Variants in TSEN2 observed in about 807,000 individuals in gnomAD.
TSEN2 encodes the protein tRNA splicing endonuclease subunit 2.
TSEN2 carries 54 observed loss-of-function variants against 59.2 expected under a neutral mutation model. The observed-to-expected ratio is 0.91, with a 90% CI of 0.73 to 1.14. The LOEUF is 1.14. TSEN2 is among the 50% of genes most tolerant of loss of function. The pLI is 0.00. For synonymous variants in TSEN2, 195 were observed against 198.2 expected, an observed-to-expected ratio of 0.98 and a Z score of 0.14; for missense variants, 636 against 576.2, an observed-to-expected ratio of 1.10 and a Z score of -1.06.
In TSEN2 at chr3:12,533,555, G is replaced by A. The variant is rs1265508199; in HGVS notation, c.*834G>A. 3 of 151,624 alleles carry A rather than the reference G, an allele frequency of 2.0e-5. No homozygotes were observed. The highest frequency in any genetic ancestry group is 4.4e-5 in the Non-Finnish European group (3 of 68,058). The allele number at this position is 151,624 out of a possible 1,614,324, so 9.4% of individuals were successfully genotyped here. A position where few individuals can be genotyped will look rare whatever the true frequency, so the allele number is the denominator to read the frequency against. On this transcript the variant is annotated 3_prime_UTR_variant, in exon 12 of 12. Transcript: ENST00000284995. The stretch of plus-strand genomic sequence containing the variant: ...CATGCCTGTAATTCCAGCTGCTCAG[G>A]AGACTAAGGTAGGAGGATCGCTTGA...
chr3:12,506,029 AG>A (rs1033561424), intron 6 of TSEN2, among the ~76,000 whole-genome samples: 29 of 152,216 alleles, frequency 1.9e-4, no homozygotes, highest in African/African-American at 6.3e-4. Context: ...TGCCGGGGGT[AG>A]GGGGGTGGAA....
At chr3:12,521,964 G>A (rs1405649108) in intron 8 of TSEN2, among the ~76,000 whole-genome samples, 3 of 151,650 alleles carry the variant, frequency 2.0e-5, no homozygotes, top group African/African-American at 7.3e-5. Flanking sequence ...TGAGCCGATT[G>A]CGCTACTGCA....
intron 10 of TSEN2, chr3:12,530,535 C>G: frequency 1.0e-6 from 1 of 985,456 alleles, no homozygotes; most frequent in Non-Finnish European, 1.2e-6. Context: ...TCTCATTACT[C>G]AGTGATTTGC....
chr3:12,506,611 C>G (rs2054867195), intron 6 of TSEN2: 2 of 845,730 alleles, frequency 2.4e-6, no homozygotes, highest in African/African-American at 3.7e-5. Flanking sequence ...TAAAAGTGGC[C>G]TTCCATAAAC....
chr3:12,480,826 G>A (rs751612445), upstream of TSEN2, among the ~76,000 whole-genome samples: 6 of 151,994 alleles, frequency 3.9e-5, no homozygotes, highest in Non-Finnish European at 5.9e-5. Flanking sequence ...AAGTCACCGC[G>A]CCCGGCCTGT....
At chr3:12,505,541 C>T in intron 6 of TSEN2, 1 of 307,072 alleles carries the variant, frequency 3.3e-6, no homozygotes, top group South Asian at 3.3e-5. Flanking sequence ...GTGATCCCAG[C>T]ACTTTGGGAG....
At chr3:12,498,174 T>C (rs893705177) in intron 4 of TSEN2, among the ~76,000 whole-genome samples, 1 of 152,166 alleles carries the variant, frequency 6.6e-6, no homozygotes, top group African/African-American at 2.4e-5. Context: ...CCAGTCACTA[T>C]GTCCTTAGAT....
rs1056689494 is a variant in TSEN2 at position 12,484,528 on chromosome 3, T to A, written c.-370T>A. ...GTGGGGCCAAGAAAGGTAAGGGCCC[T>A]GGGCGAGGAAAGCGCGGCCCTTTCC... is the stretch of plus-strand genomic sequence containing the variant. On this transcript the variant is annotated 5_prime_UTR_variant, in exon 1 of 12. Coordinates refer to ENST00000284995, the MANE Select transcript of TSEN2 (RefSeq NM_025265.4). 12 of 152,250 alleles carry A rather than the reference T, an allele frequency of 7.9e-5. No individual in the cohort carries two copies. The highest frequency in any genetic ancestry group is 2.9e-4 in the African/African-American group (12 of 41,468). The allele number at this position is 152,250 out of a possible 1,614,324, so 9.4% of individuals were successfully genotyped here. A position where few individuals can be genotyped will look rare whatever the true frequency, so the allele number is the denominator to read the frequency against.
At position 12,504,008 on chromosome 3, in the gene TSEN2, A is replaced by G. The variant is rs182493886; in HGVS notation, c.831+224A>G. 3.8e-4 allele frequency among the ~76,000 whole-genome samples: 58 copies of G among 152,276 alleles called. 1 individual carries two copies. The highest frequency in any genetic ancestry group is 1.4e-3 in the African/African-American group (58 of 41,570). ...ATAAAATTAAGACAAGGCCAGTGGT[A>G]TTCTCTCCTTTATTTGGGAGAAAAC... On this transcript the variant is annotated intron_variant, in intron 5 of 11. Transcript: ENST00000284995.
At chr3:12,505,962 G>C (rs1193184588) in intron 6 of TSEN2, among the ~76,000 whole-genome samples, 1 of 151,854 alleles carries the variant, frequency 6.6e-6, no homozygotes, top group East Asian at 1.9e-4. Context: ...GAGACTCTGT[G>C]TCAAACAAAA....
chr3:12,503,834 G>A, intron 5 of TSEN2, 50 bp downstream of exon 5: 1 of 1,584,512 alleles, frequency 6.3e-7, no homozygotes, highest in African/African-American at 1.3e-5. Flanking sequence ...CGTTCCTGGA[G>A]ATGTTGGCTA....
At position 12,531,699 on chromosome 3, in the gene TSEN2, C is replaced by T. The variant is rs183870277; in HGVS notation, c.1338+40C>T. 162 of 1,321,696 alleles carry T rather than the reference C, an allele frequency of 1.2e-4. 2 individuals are homozygous for T. The African/African-American group carries it at 2.1e-3, about 17-fold the overall frequency. The allele number at this position is 1,321,696 out of a possible 1,614,324, so 81.9% of individuals were successfully genotyped here. A position where few individuals can be genotyped will look rare whatever the true frequency, so the allele number is the denominator to read the frequency against. On this transcript the variant is annotated intron_variant, in intron 11 of 11. Coordinates refer to ENST00000284995, the MANE Select transcript of TSEN2 (RefSeq NM_025265.4). ...AGAAATTCATGTCATCCCAAAGATTCTGTGAATCATAGTGTATCTGGAACA... is the reference window on the plus strand; with the variant it reads ...AGAAATTCATGTCATCCCAAAGATTTTGTGAATCATAGTGTATCTGGAACA...
intron 2 of TSEN2, 60 bp downstream of exon 2, chr3:12,490,049 C>A (rs1434754632): frequency 6.6e-7 from 1 of 1,504,060 alleles, no homozygotes; most frequent in Middle Eastern, 1.7e-4. Context: ...GCAGTCCTTT[C>A]CTTCTCCCCA....
chr3:12,488,152 C>T (rs1170104227), intron 1 of TSEN2, among the ~76,000 whole-genome samples: 2 of 152,226 alleles, frequency 1.3e-5, no homozygotes, highest in Non-Finnish European at 2.9e-5. Context: ...CTTAAAGCCA[C>T]TCACCTTCCC....
At chr3:12,534,857 C>T (rs2057635916), downstream of TSEN2, among the ~76,000 whole-genome samples, 1 of 149,606 alleles carries the variant, frequency 6.7e-6, no homozygotes, top group Non-Finnish European at 1.5e-5. Context: ...ACCTGTAATC[C>T]CAGCTTCTTA....
At chr3:12,505,793 A>AC in intron 6 of TSEN2, among the ~76,000 whole-genome samples, 1 of 151,398 alleles carries the variant, frequency 6.6e-6, no homozygotes, top group African/African-American at 2.4e-5. Flanking sequence ...CAAAAAAAAA[A>AC]AAAAAAAAAA....
chr3:12,516,812 T>C (rs2056173162), intron 7 of TSEN2, 151 bp downstream of exon 7: 1 of 823,530 alleles, frequency 1.2e-6, no homozygotes, highest in Admixed American at 2.2e-5. Flanking sequence ...TGGATTTGGG[T>C]CCTGAGGTGG....
chr3:12,527,159 G>T (rs1025251049), intron 8 of TSEN2, among the ~76,000 whole-genome samples: 2 of 152,210 alleles, frequency 1.3e-5, no homozygotes, highest in African/African-American at 4.8e-5. Context: ...ACTTACATTT[G>T]TGCCTCAGTG....
intron 2 of TSEN2, among the ~76,000 whole-genome samples, chr3:12,490,862 G>A (rs774426976): frequency 4.6e-5 from 7 of 152,214 alleles, no homozygotes; most frequent in Non-Finnish European, 7.3e-5. Flanking sequence ...CCATGGTGAG[G>A]CAGGAGTCTC....
Sources: allele counts gnomAD v4.1 joint callset (sites outside exome capture counted in the v4.1 genomes callset), GRCh38; gene constraint gnomAD v4.1.1; transcripts MANE v1.5; gene names NCBI Gene and HGNC (gene_info 2026-07-23, HGNC 2026-07-21).